Variants in SYNE1 observed in about 807,000 individuals in gnomAD.
SYNE1 encodes spectrin repeat containing nuclear envelope protein 1.
SYNE1 carries 616 observed loss-of-function variants against 1,111.0 expected under a neutral mutation model. The observed-to-expected ratio is 0.55, with a 90% CI of 0.52 to 0.59. The LOEUF is 0.59. Among genes scored for constraint, SYNE1 ranks in the 20% least tolerant of loss-of-function variants. The probability of loss-of-function intolerance (pLI) is 0.00; values close to 1 mark genes in which losing one functional copy is unlikely to be tolerated. For missense variants in SYNE1, 10,006 were observed against 10,417.0 expected, an observed-to-expected ratio of 0.96 and a Z score of 1.72; for synonymous variants, 3,855 against 3,825.8, an observed-to-expected ratio of 1.01 and a Z score of -0.28.
rs192678812 is a variant in SYNE1, at chr6:152,126,961, C to T, written c.26153+3759G>A. The stretch of plus-strand genomic sequence containing the variant: ...TTCGGCTAACACTGGCAGTATGTAA[C>T]AGATTTATTTTGCAGAAACATCTAG... On this transcript the variant is annotated intron_variant, in intron 145 of 145. Transcript: ENST00000367255. The T allele has an allele frequency of 3.9e-5, 6 of 152,322 alleles. No homozygotes were observed. In the East Asian group the frequency reaches 7.7e-4, roughly 20 times the overall value. The allele number at this position is 152,322 out of a possible 1,614,324, so 9.4% of individuals were successfully genotyped here. A position where few individuals can be genotyped will look rare whatever the true frequency, so the allele number is the denominator to read the frequency against.
At chr6:152,312,317 C>T (rs1160229624) in intron 87 of SYNE1, among the ~76,000 whole-genome samples, 2 of 149,648 alleles carry the variant, frequency 1.3e-5, no homozygotes, top group African/African-American at 4.9e-5. Context: ...TCAAGCGATT[C>T]TCCTGCCTCA....
rs1185668483 is a variant in SYNE1, at chr6:152,604,944, CAAAG to C, written c.67+23317_67+23320del. Among the ~76,000 whole-genome samples the C allele has an allele frequency of 3.3e-3, 217 of 65,914 alleles. 5 individuals carry two copies. The highest frequency in any genetic ancestry group is 3.8e-3 in the Non-Finnish European group (125 of 32,906). The allele number at this position is 65,914 out of a possible 152,430, so 43.2% of individuals were successfully genotyped here. ...ACTCAAACAGTGAGACCCTATCTCA[CAAAG>C]AAAGAAAGAAAGAAAGAAAGAAAGA... is the stretch of plus-strand genomic sequence containing the variant. On this transcript the variant is annotated intron_variant, in intron 3 of 145. Transcript: ENST00000367255.
chr6:152,369,124 C>A lies in SYNE1; in HGVS notation c.9655G>T (p.Val3219Phe). The change falls in exon 61 of 146, where the codon GTC becomes TTC. Residue 3219 changes from valine (V) to phenylalanine (F), a missense_variant. Physicochemically the swap from Val to Phe is conservative, Grantham distance 50. Around this residue, in one of 7 missense-constraint regions of SYNE1, gnomAD observed 4,955 missense variants for 5,017.2 expected, o/e 0.99. Coordinates refer to ENST00000367255, the MANE Select transcript of SYNE1 (RefSeq NM_182961.4). ...TCGTAGCAGTGTATTTCCTCAAGGA[C>A]AGACTGAAAAGCACAAGCAAGTTAC... is the stretch of plus-strand genomic sequence containing the variant. Reference protein sequence around the residue: ...KRREQQKLQSVLEEIHCYEPQ... With the variant: ...KRREQQKLQSFLEEIHCYEPQ... The A allele has an allele frequency of 6.2e-7, 1 of 1,613,214 alleles. No individual in the cohort carries two copies. Among genetic ancestry groups the A allele is most frequent in the Non-Finnish European group, 8.5e-7 (1 of 1,180,022 alleles).
At chr6:152,239,420 G>C in intron 108 of SYNE1, 113 bp downstream of exon 108, 1 of 1,275,380 alleles carries the variant, frequency 7.8e-7, no homozygotes, top group African/African-American at 1.5e-5. Context: ...CGAGAGCGCA[G>C]CTAGTTCTGA....
At chr6:152,271,368 A>C (rs538425260) in intron 98 of SYNE1, among the ~76,000 whole-genome samples, 3 of 152,184 alleles carry the variant, frequency 2.0e-5, no homozygotes, top group Non-Finnish European at 4.4e-5. Flanking sequence ...ACTTTCTCCC[A>C]GATTCTGAGC....
chr6:152,165,096 C>T (rs2063361685), intron 130 of SYNE1, among the ~76,000 whole-genome samples: 1 of 148,188 alleles, frequency 6.7e-6, no homozygotes, highest in African/African-American at 2.5e-5. Flanking sequence ...CCCCACATTA[C>T]TTCCAGGCAT....
At chr6:152,459,331 C>A (rs1410078518) in intron 21 of SYNE1, among the ~76,000 whole-genome samples, 1 of 152,160 alleles carries the variant, frequency 6.6e-6, no homozygotes, top group Non-Finnish European at 1.5e-5. Context: ...CTAGACCAAC[C>A]TGTGTCTTCC....
intron 108 of SYNE1, among the ~76,000 whole-genome samples, chr6:152,239,060 G>A (rs1021937441): frequency 1.3e-5 from 2 of 151,832 alleles, no homozygotes; most frequent in Non-Finnish European, 2.9e-5. Context: ...ACGACGTCCG[G>A]CTAATTTTTT....
At chr6:152,191,755 T>C (rs1206360194) in intron 127 of SYNE1, among the ~76,000 whole-genome samples, 1 of 152,182 alleles carries the variant, frequency 6.6e-6, no homozygotes, top group East Asian at 1.9e-4. Context: ...CATTTATTTC[T>C]GCTTTAAGCT....
chr6:152,350,516 C>T (rs1345745709), intron 71 of SYNE1, 102 bp downstream of exon 71: 4 of 1,533,598 alleles, frequency 2.6e-6, no homozygotes, highest in Non-Finnish European at 3.6e-6. Flanking sequence ...AAAAAAAATA[C>T]TAACCCGTAC....
At position 152,465,770 on chromosome 6, in the gene SYNE1, C is replaced by T. The variant is rs2098761712; in HGVS notation, c.1729+212G>A. Among the ~76,000 whole-genome samples the T allele has an allele frequency of 3.3e-5, 5 of 149,922 alleles. No individual in the cohort carries two copies. The South Asian group carries it at 1.0e-3, about 31-fold the overall frequency. ...GTTCTCTCTTAGAAGAACACATACA[C>T]ACACACACACACACACACACACACA... On this transcript the variant is annotated intron_variant, in intron 17 of 145. Transcript: ENST00000367255.
chr6:152,196,704 G>T (rs1158522997), intron 127 of SYNE1, among the ~76,000 whole-genome samples: 1 of 151,824 alleles, frequency 6.6e-6, no homozygotes, highest in Non-Finnish European at 1.5e-5. Context: ...CAGAAGGAAG[G>T]GGTGTCTTTT....
At chr6:152,588,672 C>CA (rs146670277) in intron 3 of SYNE1, among the ~76,000 whole-genome samples, 3,316 of 152,286 alleles carry the variant, frequency 0.022, 128 homozygotes, top group African/African-American at 0.075. Context: ...TTGAAACTCA[C>CA]TGTCCAGGCT....
In SYNE1 at chr6:152,386,790, G is replaced by C. The variant is rs214949; in HGVS notation, c.8487+282C>G. On this transcript the variant is annotated intron_variant, in intron 54 of 145. Coordinates refer to ENST00000367255, the MANE Select transcript of SYNE1 (RefSeq NM_182961.4). Reference sequence around the variant, plus strand: ...GGCGACATTTGATGTGCAAAGTAGAGAGATTAACTAAAAAAGCGGAGAAAG... The same window carrying C: ...GGCGACATTTGATGTGCAAAGTAGACAGATTAACTAAAAAAGCGGAGAAAG... Among the ~76,000 whole-genome samples, 33 of 151,838 alleles carry C rather than the reference G, an allele frequency of 2.2e-4. 1 individual carries two copies. In the South Asian group the frequency reaches 6.7e-3, roughly 31 times the overall value.
intron 130 of SYNE1, chr6:152,167,623 A>C (rs1470830581): frequency 2.4e-6 from 1 of 424,804 alleles, no homozygotes; most frequent in Non-Finnish European, 4.8e-6. Flanking sequence ...AAGCACAAAC[A>C]AAAGCAACTT....
chr6:152,286,416 A>G (rs750747347), intron 95 of SYNE1, among the ~76,000 whole-genome samples: 1 of 152,198 alleles, frequency 6.6e-6, no homozygotes, highest in East Asian at 1.9e-4. Context: ...GGCTCCTTTC[A>G]TGATTGTGAG....
intron 97 of SYNE1, among the ~76,000 whole-genome samples, chr6:152,278,814 C>G (rs1281021637): frequency 6.6e-6 from 1 of 151,998 alleles, no homozygotes; most frequent in Non-Finnish European, 1.5e-5. Flanking sequence ...GTTGCCCAGG[C>G]TGGAGTGCTT....
chr6:152,234,086 T>C (rs1235267823), intron 111 of SYNE1, 123 bp from the exon 112 acceptor site: 1 of 1,060,640 alleles, frequency 9.4e-7, no homozygotes, highest in Admixed American at 2.0e-5. Context: ...TGCTGAACAC[T>C]CAAAAGAAAA....
intron 105 of SYNE1, among the ~76,000 whole-genome samples, chr6:152,246,315 A>C (rs1489158574): frequency 6.6e-6 from 1 of 152,124 alleles, no homozygotes; most frequent in African/African-American, 2.4e-5. Flanking sequence ...AAAACAGATT[A>C]TACAGGAAAA....
Sources: allele counts gnomAD v4.1 joint callset (sites outside exome capture counted in the v4.1 genomes callset), GRCh38; gene constraint gnomAD v4.1.1; regional missense constraint gnomAD v4.1.1; transcripts MANE v1.5; gene names NCBI Gene and HGNC (gene_info 2026-07-23, HGNC 2026-07-21).